PTPRD: variants seen among roughly 807,000 people sequenced by gnomAD.
PTPRD encodes receptor-type tyrosine-protein phosphatase delta.
In PTPRD, 34 loss-of-function variants were observed where a neutral mutation model predicts 214.5. That is an observed-to-expected ratio of 0.16 (90% confidence interval 0.12 to 0.21). The LOEUF is 0.21. Among genes scored for constraint, PTPRD ranks in the 10% least tolerant of loss-of-function variants. PTPRD has a pLI of 1.00. For synonymous variants in PTPRD, 1,128 were observed against 845.7 expected, an observed-to-expected ratio of 1.33 and a Z score of -5.79; for missense variants, 2,545 against 2,398.7, an observed-to-expected ratio of 1.06 and a Z score of -1.27.
chr9:8,400,642 G>A (rs1428957396), intron 36 of PTPRD, among the ~76,000 whole-genome samples: 2 of 152,200 alleles, frequency 1.3e-5, no homozygotes, highest in Admixed American at 6.5e-5. Context: ...CGGTAGGAAA[G>A]TGTTATGAGT....
At chr9:9,551,770 T>C (rs1209104045) in intron 8 of PTPRD, among the ~76,000 whole-genome samples, 3 of 151,946 alleles carry the variant, frequency 2.0e-5, no homozygotes, top group Admixed American at 1.3e-4. Context: ...CCCCACCAGA[T>C]TGTACCAGAG....
intron 9 of PTPRD, among the ~76,000 whole-genome samples, chr9:9,263,489 A>G (rs1303824969): frequency 6.6e-6 from 1 of 151,704 alleles, no homozygotes; most frequent in Admixed American, 6.6e-5. Flanking sequence ...CCATTCCTGA[A>G]TTACATTTAG....
chr9:10,233,023 C>T (rs10958966), intron 3 of PTPRD, among the ~76,000 whole-genome samples: 2,937 of 152,114 alleles, frequency 0.019, 51 homozygotes, highest in Middle Eastern at 0.051. Flanking sequence ...GTGTCAAGGT[C>T]GCCACAAACT....
intron 7 of PTPRD, among the ~76,000 whole-genome samples, chr9:9,637,372 C>T (rs755585085): frequency 4.6e-5 from 7 of 152,182 alleles, no homozygotes; most frequent in Non-Finnish European, 1.0e-4. Flanking sequence ...AAGTTATGTA[C>T]TTCCAAAATA....
At chr9:9,649,561 A>G (rs1372556522) in intron 7 of PTPRD, among the ~76,000 whole-genome samples, 1 of 152,292 alleles carries the variant, frequency 6.6e-6, no homozygotes, top group East Asian at 1.9e-4. Context: ...AAAAGGCAAA[A>G]TGTATATCTA....
At chr9:8,723,721 TCTCA>T (rs1420228287) in intron 12 of PTPRD, among the ~76,000 whole-genome samples, 2 of 152,232 alleles carry the variant, frequency 1.3e-5, no homozygotes, top group Admixed American at 6.5e-5. Flanking sequence ...TTTATTTTTC[TCTCA>T]CTCCTTTATA....
intron 2 of PTPRD, among the ~76,000 whole-genome samples, chr9:10,513,923 T>G (rs1039664586): frequency 2.0e-5 from 3 of 152,078 alleles, no homozygotes; most frequent in Admixed American, 2.0e-4. Context: ...TTCCAAGCAA[T>G]GCAAAACCGT....
rs1555280641 is a variant in PTPRD at position 9,352,341 on chromosome 9, G to GTGTGTGTGTATATA, written c.-203+45107_-203+45108insTATATACACACACA. 6.2e-5 allele frequency among the ~76,000 whole-genome samples: 9 copies of GTGTGTGTGTATATA among 146,006 alleles called. No individual in the cohort carries two copies. In the East Asian group the frequency reaches 1.8e-3, roughly 29 times the overall value. On this transcript the variant is annotated intron_variant, in intron 9 of 45. Coordinates refer to ENST00000381196, the MANE Select transcript of PTPRD (RefSeq NM_002839.4). ...TATATATATATATGTGTGTGTGTGT[G>GTGTGTGTGTATATA]TGTGTGTGTGTGTATATATGTGTGT...
intron 5 of PTPRD, among the ~76,000 whole-genome samples, chr9:9,837,927 C>T (rs975291914): frequency 2.6e-5 from 4 of 152,048 alleles, no homozygotes; most frequent in Non-Finnish European, 4.4e-5. Flanking sequence ...ACTCCCCCAA[C>T]CCCACAACAG....
intron 10 of PTPRD, among the ~76,000 whole-genome samples, chr9:9,055,025 G>T (rs552820894): frequency 1.3e-5 from 2 of 152,200 alleles, no homozygotes; most frequent in African/African-American, 2.4e-5. Flanking sequence ...TATTTGCAAG[G>T]ACTGAAACTT....
At chr9:8,398,673 G>C (rs1417388320) in intron 36 of PTPRD, among the ~76,000 whole-genome samples, 19 of 152,038 alleles carry the variant, frequency 1.2e-4, no homozygotes, top group Admixed American at 1.2e-3. Context: ...GATTAAGTTT[G>C]CCCTTTTTCT....
chr9:8,881,187 G>T (rs994846684), intron 11 of PTPRD, among the ~76,000 whole-genome samples: 1 of 152,104 alleles, frequency 6.6e-6, no homozygotes, highest in African/African-American at 2.4e-5. Flanking sequence ...TGGATACAAT[G>T]GGAAAGAAAT....
At chr9:8,899,851 C>T (rs970655174) in intron 11 of PTPRD, among the ~76,000 whole-genome samples, 11 of 152,072 alleles carry the variant, frequency 7.2e-5, no homozygotes, top group African/African-American at 2.2e-4. Context: ...GAAGTTCATC[C>T]GGTTAAAATC....
chr9:10,269,957 A>T (rs1464702933), intron 3 of PTPRD, among the ~76,000 whole-genome samples: 1 of 152,152 alleles, frequency 6.6e-6, no homozygotes, highest in Non-Finnish European at 1.5e-5. Flanking sequence ...TAAGATTCAA[A>T]TAGGGAAATA....
intron 3 of PTPRD, among the ~76,000 whole-genome samples, chr9:10,296,437 T>G (rs1365711422): frequency 3.9e-5 from 6 of 152,034 alleles, no homozygotes; most frequent in African/African-American, 9.7e-5. Flanking sequence ...GACATCTCAT[T>G]TTGTTTCCTT....
At chr9:9,282,786 A>G (rs1181131942) in intron 9 of PTPRD, among the ~76,000 whole-genome samples, 2 of 151,476 alleles carry the variant, frequency 1.3e-5, no homozygotes, top group Non-Finnish European at 3.0e-5. Context: ...GATACAGTCA[A>G]TAATTGTGGT....
rs2138489556 is a variant in PTPRD at position 8,517,998 on chromosome 9, T to A, written c.1393A>T (p.Asn465Tyr). 1 of 1,614,210 alleles carries A rather than the reference T, an allele frequency of 6.2e-7. No homozygotes were observed. ...TCAGCTACATTGTGTTTCATCCAGT[T>A]GTTGACATGTTGAGTGGGATCCATT... ...YTMDPTQHVN[N>Y]WMKHNVADSQ... Residue 465 changes from asparagine (N) to tyrosine (Y), a missense_variant, in exon 21 of 46, where the codon AAC (asparagine) becomes TAC (tyrosine). Coordinates refer to ENST00000381196, the MANE Select transcript of PTPRD (RefSeq NM_002839.4).
intron 5 of PTPRD, among the ~76,000 whole-genome samples, chr9:9,872,595 A>C (rs1054409382): frequency 5.9e-5 from 9 of 152,018 alleles, no homozygotes; most frequent in East Asian, 1.9e-4. Context: ...GTGTCAAAAC[A>C]ACCACCACCA....
intron 3 of PTPRD, among the ~76,000 whole-genome samples, chr9:10,142,574 G>C (rs1211378577): frequency 1.3e-5 from 2 of 151,652 alleles, no homozygotes; most frequent in African/African-American, 4.9e-5. Flanking sequence ...ACCACAATGA[G>C]ATACCATTTC....
Sources: gnomAD v4.1 joint callset for allele counts (sites outside exome capture counted in the v4.1 genomes callset) on GRCh38, gnomAD v4.1.1 for gene constraint, MANE v1.5 for transcripts, NCBI Gene and HGNC (gene_info 2026-07-23, HGNC 2026-07-21) for gene names.